N4BP1: variants seen among roughly 807,000 people sequenced by gnomAD.
The protein encoded by N4BP1 is NEDD4-binding protein 1.
In N4BP1, 21 loss-of-function variants were observed where a neutral mutation model predicts 70.9. The ratio of observed to expected loss-of-function variants is 0.30; its 90% confidence interval spans 0.21 to 0.43. The LOEUF (loss-of-function observed/expected upper bound fraction) is 0.43, where lower values mean the gene tolerates loss of function less well. N4BP1 is among the 20% of genes least tolerant of loss of function. The probability of loss-of-function intolerance (pLI) is 1.00; values close to 1 mark genes in which losing one functional copy is unlikely to be tolerated. For missense variants in N4BP1, 936 were observed against 1,069.4 expected (o/e 0.88, Z 1.74); for synonymous variants, 387 against 394.6 (o/e 0.98, Z 0.23).
intron 1 of N4BP1, among the ~76,000 whole-genome samples, chr16:48,587,882 T>G (rs555011929): frequency 1.3e-5 from 2 of 152,300 alleles, no homozygotes; most frequent in South Asian, 4.1e-4. Context: ...TCAGAAATTT[T>G]AGCAGATTTT....
chr16:48,573,360 G>A (rs1489774934), intron 1 of N4BP1, among the ~76,000 whole-genome samples: 1 of 152,158 alleles, frequency 6.6e-6, no homozygotes, highest in African/African-American at 2.4e-5. Context: ...GGGAGGCCAA[G>A]GCAGGCGGAT....
At chr16:48,565,704 T>C (rs1405063101) in intron 1 of N4BP1, among the ~76,000 whole-genome samples, 1 of 152,160 alleles carries the variant, frequency 6.6e-6, no homozygotes, top group Non-Finnish European at 1.5e-5. Context: ...AGAATTGATG[T>C]TCATTCTTTT....
intron 1 of N4BP1, among the ~76,000 whole-genome samples, chr16:48,599,762 C>T (rs1010690859): frequency 6.6e-6 from 1 of 152,154 alleles, no homozygotes; most frequent in Non-Finnish European, 1.5e-5. Flanking sequence ...TAGTTCTAGC[C>T]AATTAGAGGT....
In N4BP1 at chr16:48,579,276, T is replaced by C. The variant is rs112343189; in HGVS notation, c.199-16832A>G. On this transcript the variant is annotated intron_variant, in intron 1 of 6. Transcript: ENST00000262384. ...CTAGTTATCAATGATGTGGTTAACA[T>C]TGTTTAAGAGGGAAAGAATGGCCAA... Among the ~76,000 whole-genome samples, 1,349 of 152,224 alleles carry C rather than the reference T, an allele frequency of 8.9e-3. 11 individuals are homozygous for C. Among genetic ancestry groups the C allele is most frequent in the Non-Finnish European group, 0.014 (945 of 68,020 alleles).
intron 1 of N4BP1, among the ~76,000 whole-genome samples, chr16:48,569,923 T>TG (rs1963991641): frequency 6.6e-6 from 1 of 152,184 alleles, no homozygotes. Context: ...TCTGGTTTCC[T>TG]GGGGCTCTCC....
chr16:48,565,254 T>A (rs1963924422), intron 1 of N4BP1, among the ~76,000 whole-genome samples: 1 of 152,202 alleles, frequency 6.6e-6, no homozygotes, highest in Non-Finnish European at 1.5e-5. Flanking sequence ...AGGGAAGCAC[T>A]CAATCTTTCT....
intron 1 of N4BP1, chr16:48,600,373 A>G: frequency 1.3e-6 from 1 of 747,834 alleles, no homozygotes; most frequent in South Asian, 1.4e-5. Flanking sequence ...TCATTTGAAT[A>G]TGAAAAACAT....
At position 48,545,500 on chromosome 16, in the gene N4BP1, C is replaced by T. The variant is rs374247658; in HGVS notation, c.2333+647G>A. Among the ~76,000 whole-genome samples, 21 of 150,750 alleles carry T rather than the reference C, an allele frequency of 1.4e-4. No individual in the cohort carries two copies. The East Asian group carries it at 3.6e-3, about 26-fold the overall frequency. ...GGCTGAGGCAGGAGAATTACTTGAACCTGGGAGGCGGAGGTTGCAGTGAGC... is the reference window on the plus strand; with the variant it reads ...GGCTGAGGCAGGAGAATTACTTGAATCTGGGAGGCGGAGGTTGCAGTGAGC... On this transcript the variant is annotated intron_variant, in intron 6 of 6. Coordinates refer to ENST00000262384, the MANE Select transcript of N4BP1 (RefSeq NM_153029.4).
At chr16:48,565,290 A>G (rs1222590350) in intron 1 of N4BP1, among the ~76,000 whole-genome samples, 1 of 152,206 alleles carries the variant, frequency 6.6e-6, no homozygotes, top group Non-Finnish European at 1.5e-5. Context: ...TGTAACAGGG[A>G]AAGTTTTTAC....
At chr16:48,547,750 C>A (rs1963609558) in intron 5 of N4BP1, among the ~76,000 whole-genome samples, 1 of 152,202 alleles carries the variant, frequency 6.6e-6, no homozygotes, top group South Asian at 2.1e-4. Flanking sequence ...CTCTGATGCC[C>A]TAGAAGACTG....
At chr16:48,559,868 A>G (rs871902) in intron 2 of N4BP1, among the ~76,000 whole-genome samples, 61,353 of 152,104 alleles carry the variant, frequency 0.4, 13,346 homozygotes, top group African/African-American at 0.56. Context: ...AATTTGCCCT[A>G]AGTTTTTCTT....
At chr16:48,565,639 T>C (rs2151090814) in intron 1 of N4BP1, among the ~76,000 whole-genome samples, 1 of 152,360 alleles carries the variant, frequency 6.6e-6, no homozygotes, top group South Asian at 2.1e-4. Flanking sequence ...TAATACAGGC[T>C]ATACATGAGT....
At chr16:48,574,290 T>A (rs896020948) in intron 1 of N4BP1, among the ~76,000 whole-genome samples, 1 of 152,246 alleles carries the variant, frequency 6.6e-6, no homozygotes, top group African/African-American at 2.4e-5. Flanking sequence ...TGCTATGATG[T>A]GTCGCTGATA....
At chr16:48,548,959 T>C (rs937728553) in intron 4 of N4BP1, among the ~76,000 whole-genome samples, 4 of 151,994 alleles carry the variant, frequency 2.6e-5, no homozygotes, top group Non-Finnish European at 5.9e-5. Flanking sequence ...TATGACAGGA[T>C]ACATGGTGAT....
At chr16:48,607,473 G>C (rs1597117696) in intron 1 of N4BP1, among the ~76,000 whole-genome samples, 1 of 152,332 alleles carries the variant, frequency 6.6e-6, no homozygotes, top group Non-Finnish European at 1.5e-5. Flanking sequence ...GAATGAGACA[G>C]GTGACAGGAG....
intron 1 of N4BP1, among the ~76,000 whole-genome samples, chr16:48,606,446 C>T (rs1486726203): frequency 2.0e-5 from 3 of 152,218 alleles, no homozygotes; most frequent in African/African-American, 7.2e-5. Flanking sequence ...CCCAGGAGCA[C>T]CTGGACACCT....
intron 1 of N4BP1, among the ~76,000 whole-genome samples, chr16:48,571,965 G>C (rs1424470804): frequency 6.6e-6 from 1 of 152,186 alleles, no homozygotes; most frequent in Non-Finnish European, 1.5e-5. Context: ...TTTGGAGGCT[G>C]AGGTAGGTGG....
chr16:48,590,397 G>A (rs1964317565), intron 1 of N4BP1, among the ~76,000 whole-genome samples: 1 of 152,176 alleles, frequency 6.6e-6, no homozygotes, highest in Non-Finnish European at 1.5e-5. Flanking sequence ...ACAGCCAGCT[G>A]TGTGTGAATT....
chr16:48,585,346 A>G (rs1333119819), intron 1 of N4BP1, among the ~76,000 whole-genome samples: 1 of 152,028 alleles, frequency 6.6e-6, no homozygotes, highest in African/African-American at 2.4e-5. Flanking sequence ...TATGAAAAAT[A>G]TAAAATTTGG....
Sources: allele counts gnomAD v4.1 joint callset (sites outside exome capture counted in the v4.1 genomes callset), GRCh38; gene constraint gnomAD v4.1.1; transcripts MANE v1.5; gene names NCBI Gene and HGNC (gene_info 2026-07-23, HGNC 2026-07-21).